CMSS1: variants seen among roughly 807,000 people sequenced by gnomAD.
CMSS1 encodes protein CMSS1.
In CMSS1, 33 loss-of-function variants were observed where a neutral mutation model predicts 43.5. That is an observed-to-expected ratio of 0.76 (90% confidence interval 0.57 to 1.01). The LOEUF is 1.01. CMSS1 is among the 50% of genes least tolerant of loss of function. The pLI is 0.00. For missense variants in CMSS1, 313 were observed against 326.4 expected (o/e 0.96, Z 0.32); for synonymous variants, 115 against 117.2 (o/e 0.98, Z 0.12).
intron 1 of CMSS1, among the ~76,000 whole-genome samples, chr3:100,066,241 CTG>C (rs2065660932): frequency 6.6e-6 from 1 of 152,194 alleles, no homozygotes; most frequent in Non-Finnish European, 1.5e-5. Flanking sequence ...CTGCAGCTCT[CTG>C]TGGGATTCTT....
intron 1 of CMSS1, among the ~76,000 whole-genome samples, chr3:99,984,339 A>G (rs1301715196): frequency 3.9e-5 from 6 of 152,168 alleles, no homozygotes; most frequent in Non-Finnish European, 7.3e-5. Flanking sequence ...AAGAATGAAA[A>G]CCACATAATA....
At chr3:99,948,746 AAAG>A (rs1295425912) in intron 1 of CMSS1, among the ~76,000 whole-genome samples, 3 of 151,788 alleles carry the variant, frequency 2.0e-5, no homozygotes, top group Admixed American at 6.6e-5. Flanking sequence ...GGAAAGGAAA[AAAG>A]AGGAAAAGGA....
chr3:100,104,232 C>G (rs942233337), intron 1 of CMSS1, among the ~76,000 whole-genome samples: 1 of 152,186 alleles, frequency 6.6e-6, no homozygotes, highest in African/African-American at 2.4e-5. Flanking sequence ...TCAGGCAAAG[C>G]ATCTAGATGG....
chr3:99,925,601 A>T (rs1192059908), intron 1 of CMSS1, among the ~76,000 whole-genome samples: 1 of 152,180 alleles, frequency 6.6e-6, no homozygotes, highest in Non-Finnish European at 1.5e-5. Context: ...TTGATTAACA[A>T]AAGTAGGGAT....
rs80153658 is a variant in CMSS1, at chr3:99,873,789, C to T, written c.64+55746C>T. Among the ~76,000 whole-genome samples the T allele has an allele frequency of 4.4e-3, 664 of 152,266 alleles. 6 individuals carry two copies. The highest frequency in any genetic ancestry group is 0.016 in the African/African-American group (651 of 41,556). On this transcript the variant is annotated intron_variant, in intron 1 of 9. Transcript: ENST00000421999. ...TCAAGGCTTGATTTGTGTTTTCATA[C>T]TGGCTGTTACTATAGTCTCCATCAC...
At chr3:99,864,405 A>G (rs974527465) in intron 1 of CMSS1, among the ~76,000 whole-genome samples, 2 of 152,176 alleles carry the variant, frequency 1.3e-5, no homozygotes, top group African/African-American at 2.4e-5. Context: ...GCTAAGTATT[A>G]TTATTCTCAT....
intron 1 of CMSS1, among the ~76,000 whole-genome samples, chr3:100,036,626 A>G (rs1049062796): frequency 6.6e-6 from 1 of 152,370 alleles, no homozygotes; most frequent in East Asian, 1.9e-4. Context: ...TTTTGCAGCC[A>G]TCATAGTTGC....
Position 100,040,894 on chromosome 3 carries a change from A to C in CMSS1, c.65-106079A>C, listed in dbSNP as rs571377102. 2.4e-3 allele frequency: 371 copies of C among 152,332 alleles called. 1 individual carries two copies. The highest frequency in any genetic ancestry group is 8.4e-3 in the African/African-American group (349 of 41,584). 9.4% of individuals were successfully genotyped at this position (152,332 alleles called of 1,614,324 possible). ...TGAGCCTGGATTATGCATTTGAAAAAATGGTTTCTTTGCCTTAGGGAAGAG... is the reference window on the plus strand; with the variant it reads ...TGAGCCTGGATTATGCATTTGAAAACATGGTTTCTTTGCCTTAGGGAAGAG... On this transcript the variant is annotated intron_variant, in intron 1 of 9. Coordinates refer to ENST00000421999, the MANE Select transcript of CMSS1 (RefSeq NM_032359.4).
chr3:100,059,350 A>C (rs1363154899), intron 1 of CMSS1, among the ~76,000 whole-genome samples: 2 of 152,206 alleles, frequency 1.3e-5, no homozygotes, highest in African/African-American at 4.8e-5. Flanking sequence ...GAGACAATGA[A>C]AAATGCTTCA....
intron 1 of CMSS1, among the ~76,000 whole-genome samples, chr3:100,113,100 A>G (rs944842976): frequency 3.3e-5 from 5 of 152,252 alleles, no homozygotes; most frequent in Non-Finnish European, 5.9e-5. Context: ...CACCTCTTCT[A>G]TTCCTTCCTG....
intron 1 of CMSS1, chr3:100,109,902 G>A (rs915706230): frequency 3.4e-5 from 3 of 88,254 alleles, no homozygotes; most frequent in African/African-American, 1.9e-4. Context: ...TTTCTTTTAT[G>A]ACCCCCCCCC....
chr3:99,921,975 GCCCT>G (rs1327085267), intron 1 of CMSS1, among the ~76,000 whole-genome samples: 1 of 152,096 alleles, frequency 6.6e-6, no homozygotes, highest in Non-Finnish European at 1.5e-5. Flanking sequence ...CTTCAGGATA[GCCCT>G]CTCCAGCCTT....
At chr3:99,833,068 CAG>C in intron 1 of CMSS1, 2 of 649,102 alleles carry the variant, frequency 3.1e-6, no homozygotes, top group Non-Finnish European at 5.5e-6. Context: ...ATGTTCTACT[CAG>C]AGTTGGAGGC....
At chr3:99,992,483 A>AT (rs1398921157) in intron 1 of CMSS1, among the ~76,000 whole-genome samples, 3 of 151,112 alleles carry the variant, frequency 2.0e-5, no homozygotes, top group Non-Finnish European at 3.0e-5. Flanking sequence ...AAAAATGTCC[A>AT]TTTTTTTGCC....
chr3:99,850,337 T>G (rs747628768), intron 1 of CMSS1: 1 of 1,612,952 alleles, frequency 6.2e-7, no homozygotes, highest in Non-Finnish European at 8.5e-7. Flanking sequence ...TTTTCTAAAT[T>G]GCATTTCAGA....
intron 1 of CMSS1, among the ~76,000 whole-genome samples, chr3:99,874,743 A>C (rs1455839502): frequency 6.6e-6 from 1 of 152,242 alleles, no homozygotes; most frequent in African/African-American, 2.4e-5. Flanking sequence ...CCACATTTTG[A>C]GTATTTTTTA....
At chr3:99,880,499 A>G (rs555754909) in intron 1 of CMSS1, among the ~76,000 whole-genome samples, 62 of 152,246 alleles carry the variant, frequency 4.1e-4, no homozygotes, top group African/African-American at 1.3e-3. Context: ...AAGGCTTCCA[A>G]TTATTCTGCT....
intron 1 of CMSS1, among the ~76,000 whole-genome samples, chr3:100,034,382 A>G (rs1183914826): frequency 1.3e-5 from 2 of 152,224 alleles, no homozygotes; most frequent in Non-Finnish European, 2.9e-5. Context: ...GCAGAATGTT[A>G]GCATTCTGAT....
intron 1 of CMSS1, among the ~76,000 whole-genome samples, chr3:100,006,344 G>T (rs1709984973): frequency 6.6e-6 from 1 of 152,018 alleles, no homozygotes; most frequent in Non-Finnish European, 1.5e-5. Flanking sequence ...ATTTCTTCAT[G>T]AGTGGAATAG....
Sources: gnomAD v4.1 joint callset for allele counts (sites outside exome capture counted in the v4.1 genomes callset) on GRCh38, gnomAD v4.1.1 for gene constraint, MANE v1.5 for transcripts, NCBI Gene and HGNC (gene_info 2026-07-23, HGNC 2026-07-21) for gene names.